SHOC1: variants seen among roughly 807,000 people sequenced by gnomAD.
The protein encoded by SHOC1 is protein shortage in chiasmata 1 ortholog.
Under a neutral mutation model 179.2 loss-of-function variants are expected in SHOC1, and 136 were observed. That is an observed-to-expected ratio of 0.76 (90% CI 0.66 to 0.87). The LOEUF (loss-of-function observed/expected upper bound fraction) is 0.87, where lower values mean the gene tolerates loss of function less well. Ranked by LOEUF, SHOC1 falls within the 40% of genes least tolerant of loss-of-function variation. The pLI is 0.00. For missense variants in SHOC1, 1,538 were observed against 1,700.8 expected, an observed-to-expected ratio of 0.90 and a Z score of 1.68; for synonymous variants, 489 against 586.6, an observed-to-expected ratio of 0.83 and a Z score of 2.41.
intron 5 of SHOC1, among the ~76,000 whole-genome samples, chr9:111,770,379 A>G (rs1835553656): frequency 6.6e-6 from 1 of 152,156 alleles, no homozygotes; most frequent in African/African-American, 2.4e-5. Flanking sequence ...GTGGTCAGAA[A>G]AGCTACTTGA....
At chr9:111,715,358 A>T (rs1832736455) in intron 16 of SHOC1, among the ~76,000 whole-genome samples, 2 of 152,210 alleles carry the variant, frequency 1.3e-5, no homozygotes, top group African/African-American at 4.8e-5. Flanking sequence ...AATTTAAAAA[A>T]TTTAATGTCT....
chr9:111,705,229 G>A lies in SHOC1; in HGVS notation c.2855+18C>T. ...TATAATGTACACTTTTGTTAAAATT[G>A]TGAAATCAATAACTTACTTGGATTC... On this transcript the variant is annotated intron_variant, in intron 21 of 27. Transcript: ENST00000682961. 1 of 1,263,644 alleles carries A rather than the reference G, an allele frequency of 7.9e-7. No individual in the cohort carries two copies. Among genetic ancestry groups the A allele is most frequent in the Non-Finnish European group, 1.1e-6 (1 of 895,054 alleles). The allele number at this position is 1,263,644 out of a possible 1,614,324, so 78.3% of individuals were successfully genotyped here. A position where few individuals can be genotyped will look rare whatever the true frequency, so the allele number is the denominator to read the frequency against.
At chr9:111,709,235 G>A (rs147678424) in intron 18 of SHOC1, among the ~76,000 whole-genome samples, 99 of 152,312 alleles carry the variant, frequency 6.5e-4, no homozygotes, top group African/African-American at 2.2e-3. Context: ...CCAGCTACCC[G>A]GGAGGGTAAG....
intron 7 of SHOC1, 27 bp downstream of exon 7, chr9:111,758,057 A>G (rs752267633): frequency 1.7e-6 from 2 of 1,210,808 alleles, no homozygotes; most frequent in Non-Finnish European, 2.3e-6. Context: ...CTTTTACTAA[A>G]ATATTATTGA....
chr9:111,769,986 G>GTTTTTTTTTTTTTTTTTTTTCTTT (rs1835524507), intron 5 of SHOC1, among the ~76,000 whole-genome samples: 1 of 77,662 alleles, frequency 1.3e-5, no homozygotes, highest in Non-Finnish European at 2.4e-5. Context: ...TTTTTTTTTT[G>GTTTTTTTTTTTTTTTTTTTTCTTT]TTTTTTTTTT....
intron 12 of SHOC1, chr9:111,737,965 C>T (rs554929095): frequency 2.3e-5 from 8 of 346,192 alleles, no homozygotes; most frequent in Admixed American, 1.4e-4. Context: ...CCAATGTGAA[C>T]GGAAACTGCT....
chr9:111,785,075 A>G (rs1343824302), intron 3 of SHOC1, among the ~76,000 whole-genome samples: 1 of 152,134 alleles, frequency 6.6e-6, no homozygotes, highest in African/African-American at 2.4e-5. Flanking sequence ...CAGTCACAAT[A>G]GCTTAATTTT....
intron 12 of SHOC1, among the ~76,000 whole-genome samples, chr9:111,737,697 C>G (rs1589426143): frequency 7.5e-6 from 1 of 132,524 alleles, no homozygotes. Context: ...AACCCCCCCC[C>G]CCACACACAA....
At chr9:111,751,102 G>A (rs910165205) in intron 8 of SHOC1, among the ~76,000 whole-genome samples, 2 of 152,082 alleles carry the variant, frequency 1.3e-5, no homozygotes, top group Non-Finnish European at 2.9e-5. Context: ...TAAATAAGGA[G>A]TCCTTACCCC....
At chr9:111,759,646 T>A in intron 5 of SHOC1, 5 of 752,370 alleles carry the variant, frequency 6.6e-6, no homozygotes, top group Non-Finnish European at 8.1e-6. Flanking sequence ...GATGAAGAAC[T>A]ACTCAAAAAG....
At chr9:111,778,789 AAAG>A (rs1203422883) in intron 4 of SHOC1, among the ~76,000 whole-genome samples, 4 of 149,806 alleles carry the variant, frequency 2.7e-5, no homozygotes, top group African/African-American at 9.9e-5. Context: ...AAAAAAAAAA[AAAG>A]AGACAGAGAG....
intron 26 of SHOC1, among the ~76,000 whole-genome samples, chr9:111,692,733 A>G (rs747450006): frequency 9.9e-5 from 15 of 151,220 alleles, no homozygotes; most frequent in Non-Finnish European, 2.1e-4. Flanking sequence ...TTAATAGTCT[A>G]TTTTTCAGAA....
At chr9:111,729,760 C>T (rs1391353776) in intron 12 of SHOC1, among the ~76,000 whole-genome samples, 3 of 151,906 alleles carry the variant, frequency 2.0e-5, no homozygotes, top group Admixed American at 6.6e-5. Context: ...GGCATGGTGG[C>T]GCATGCCTGT....
intron 27 of SHOC1, among the ~76,000 whole-genome samples, chr9:111,691,005 G>A (rs552502972): frequency 8.4e-4 from 128 of 152,244 alleles, no homozygotes; most frequent in African/African-American, 3.0e-3. Context: ...TGAAAGAAAA[G>A]CTAGAATCAC....
At chr9:111,692,606 G>C in intron 26 of SHOC1, 95 bp from the exon 27 acceptor site, 1 of 827,512 alleles carries the variant, frequency 1.2e-6, no homozygotes, top group Non-Finnish European at 1.8e-6. Context: ...TAAATAGGTA[G>C]TCTATTCATA....
chr9:111,740,101 T>C (rs1035571422), intron 11 of SHOC1, among the ~76,000 whole-genome samples: 1 of 152,224 alleles, frequency 6.6e-6, no homozygotes, highest in Non-Finnish European at 1.5e-5. Flanking sequence ...TCTTTTCCTC[T>C]CTTCCAGCTC....
At position 111,775,870 on chromosome 9, in the gene SHOC1, G is replaced by A. The variant is rs770580122; in HGVS notation, c.363C>T (p.Tyr121=). The A allele has an allele frequency of 6.2e-7, 1 of 1,613,750 alleles. No homozygotes were observed. The highest frequency in any genetic ancestry group is 1.1e-5 in the South Asian group (1 of 91,066). ...AGACTTCATTGTAGTCCATGTGGGT[G>A]TATAAACTGACCTCCTCTACTTCAA... The part of the protein sequence containing the change: ...SQIEVEEVSL[Y]THMDYNEVFT... The change falls in exon 5 of 28, where the codon TAC becomes TAT. Residue 121 remains tyrosine (Y), a synonymous_variant. Coordinates refer to ENST00000682961, the MANE Select transcript of SHOC1 (RefSeq NM_001378211.1).
At chr9:111,746,677 AT>A in intron 9 of SHOC1, among the ~76,000 whole-genome samples, 1 of 152,320 alleles carries the variant, frequency 6.6e-6, no homozygotes, top group East Asian at 1.9e-4. Context: ...TCTAAAAAAA[AT>A]AAATAAATAA....
chr9:111,718,630 T>C (rs1208765288), intron 15 of SHOC1, among the ~76,000 whole-genome samples: 3 of 152,136 alleles, frequency 2.0e-5, no homozygotes, highest in Non-Finnish European at 2.9e-5. Flanking sequence ...TCTACTGCTA[T>C]TGGGAAAAAG....
Sources: gnomAD v4.1 joint callset for allele counts (sites outside exome capture counted in the v4.1 genomes callset) on GRCh38, gnomAD v4.1.1 for gene constraint, MANE v1.5 for transcripts, NCBI Gene and HGNC (gene_info 2026-07-23, HGNC 2026-07-21) for gene names.